The following JMJD1C variants were observed in gnomAD, a reference collection of about 807,000 sequenced individuals.
JMJD1C encodes the protein jumonji domain-containing protein 1C.
In JMJD1C, 31 loss-of-function variants were observed where a neutral mutation model predicts 245.3. The observed-to-expected ratio is 0.13, with a 90% confidence interval of 0.09 to 0.17. The LOEUF (loss-of-function observed/expected upper bound fraction) is 0.17, where lower values mean the gene tolerates loss of function less well. Ranked by LOEUF, JMJD1C falls within the 10% of genes least tolerant of loss-of-function variation. The pLI, the probability that JMJD1C is intolerant of heterozygous loss-of-function variation, is 1.00. For synonymous variants in JMJD1C, 1,057 were observed against 1,017.4 expected (o/e 1.04, Z -0.74); for missense variants, 2,691 against 3,000.2 (o/e 0.90, Z 2.41).
At chr10:63,460,934 A>G (rs1039538437) in intron 1 of JMJD1C, among the ~76,000 whole-genome samples, 2 of 152,210 alleles carry the variant, frequency 1.3e-5, no homozygotes, top group African/African-American at 4.8e-5. Context: ...TTCCCTATTT[A>G]AAATTATTGG....
intron 1 of JMJD1C, among the ~76,000 whole-genome samples, chr10:63,449,501 G>A (rs1449114804): frequency 2.6e-5 from 4 of 151,968 alleles, no homozygotes; most frequent in African/African-American, 9.7e-5. Flanking sequence ...GCTATTATAT[G>A]AGCTAAAAAT....
intron 16 of JMJD1C, among the ~76,000 whole-genome samples, chr10:63,191,978 T>A (rs1383554617): frequency 2.8e-5 from 2 of 72,582 alleles, no homozygotes; most frequent in Admixed American, 1.8e-4. Flanking sequence ...AGTGAGACTC[T>A]GTCTCAAAAA....
chr10:63,287,760 T>C (rs1858163126), intron 2 of JMJD1C, among the ~76,000 whole-genome samples: 1 of 152,192 alleles, frequency 6.6e-6, no homozygotes, highest in African/African-American at 2.4e-5. Context: ...CTTTTTCTTT[T>C]TTTTTTGAGA....
At chr10:63,425,916 A>G (rs933420747) in intron 1 of JMJD1C, among the ~76,000 whole-genome samples, 1 of 152,254 alleles carries the variant, frequency 6.6e-6, no homozygotes, top group African/African-American at 2.4e-5. Flanking sequence ...GGCCAAGGAC[A>G]CAGCCCTACT....
At chr10:63,346,536 G>T (rs953167061) in intron 2 of JMJD1C, among the ~76,000 whole-genome samples, 2 of 152,120 alleles carry the variant, frequency 1.3e-5, no homozygotes, top group Non-Finnish European at 2.9e-5. Context: ...ATAACCAACT[G>T]TTCAAACCAT....
At chr10:63,396,272 T>C (rs915326926) in intron 1 of JMJD1C, among the ~76,000 whole-genome samples, 1 of 152,074 alleles carries the variant, frequency 6.6e-6, no homozygotes, top group Non-Finnish European at 1.5e-5. Flanking sequence ...GACAATAATC[T>C]CGAACAGAGG....
intron 24 of JMJD1C, among the ~76,000 whole-genome samples, chr10:63,170,322 C>G (rs1294113444): frequency 2.0e-5 from 3 of 152,072 alleles, no homozygotes; most frequent in Non-Finnish European, 4.4e-5. Context: ...CTGTGTATGC[C>G]TTATACCTTT....
chr10:63,272,014 A>T (rs1332876135), intron 2 of JMJD1C, among the ~76,000 whole-genome samples: 1 of 150,056 alleles, frequency 6.7e-6, no homozygotes, highest in African/African-American at 2.5e-5. Flanking sequence ...TGGAGGCTGC[A>T]GTGAGCCGAG....
intron 22 of JMJD1C, 92 bp downstream of exon 22, chr10:63,183,355 G>A (rs1843716947): frequency 7.0e-6 from 8 of 1,136,516 alleles, no homozygotes; most frequent in Non-Finnish European, 8.6e-6. Flanking sequence ...TGAAATCTTC[G>A]CTGTTAACTC....
intron 1 of JMJD1C, among the ~76,000 whole-genome samples, chr10:63,514,840 C>A (rs1954970638): frequency 6.6e-6 from 1 of 152,120 alleles, no homozygotes; most frequent in African/African-American, 2.4e-5. Flanking sequence ...AACATTCCTG[C>A]CATATTTAGC....
intron 2 of JMJD1C, among the ~76,000 whole-genome samples, chr10:63,269,847 T>A (rs913648399): frequency 6.6e-6 from 1 of 152,196 alleles, no homozygotes; most frequent in Non-Finnish European, 1.5e-5. Context: ...TCTCTTAACA[T>A]CTATCTAAAT....
intron 2 of JMJD1C, among the ~76,000 whole-genome samples, chr10:63,298,732 CATTCT>C (rs1859724533): frequency 6.6e-6 from 1 of 152,136 alleles, no homozygotes; most frequent in African/African-American, 2.4e-5. Flanking sequence ...ATGCCACATT[CATTCT>C]AATCTTTTTT....
At chr10:63,223,781 T>G (rs1385406150) in intron 3 of JMJD1C, among the ~76,000 whole-genome samples, 1 of 152,148 alleles carries the variant, frequency 6.6e-6, no homozygotes, top group Non-Finnish European at 1.5e-5. Context: ...TGAGATGGAG[T>G]CTCACTCTGT....
At chr10:63,200,999 T>C (rs961615904) in intron 10 of JMJD1C, among the ~76,000 whole-genome samples, 2 of 152,210 alleles carry the variant, frequency 1.3e-5, no homozygotes, top group African/African-American at 4.8e-5. Context: ...TCATTCATAT[T>C]CTGTGTATAT....
chr10:63,296,473 T>C (rs1859446107), intron 2 of JMJD1C, among the ~76,000 whole-genome samples: 4 of 152,168 alleles, frequency 2.6e-5, no homozygotes, highest in African/African-American at 9.7e-5. Flanking sequence ...TTGGGGAGTA[T>C]TTTAAACAGC....
chr10:63,246,483 C>T (rs903840281), intron 3 of JMJD1C, among the ~76,000 whole-genome samples: 1 of 152,050 alleles, frequency 6.6e-6, no homozygotes, highest in African/African-American at 2.4e-5. Context: ...AATACTGTCT[C>T]TAGCAAAGCT....
chr10:63,282,476 T>A (rs143902659), intron 2 of JMJD1C, among the ~76,000 whole-genome samples: 7 of 152,342 alleles, frequency 4.6e-5, no homozygotes, highest in Non-Finnish European at 1.0e-4. Context: ...AGTACTGATA[T>A]GCAACACAGA....
chr10:63,478,460 T>C (rs145387200), intron 1 of JMJD1C, among the ~76,000 whole-genome samples: 10 of 152,234 alleles, frequency 6.6e-5, no homozygotes, highest in African/African-American at 1.9e-4. Context: ...CATGCAACAA[T>C]ATAGATATGG....
intron 2 of JMJD1C, among the ~76,000 whole-genome samples, chr10:63,326,046 A>G (rs1941456560): frequency 6.6e-6 from 1 of 152,240 alleles, no homozygotes; most frequent in Non-Finnish European, 1.5e-5. Flanking sequence ...AATATATTTT[A>G]GTACAACTAA....
Sources: allele counts gnomAD v4.1 joint callset (sites outside exome capture counted in the v4.1 genomes callset), GRCh38; gene constraint gnomAD v4.1.1; transcripts MANE v1.5; gene names NCBI Gene and HGNC (gene_info 2026-07-23, HGNC 2026-07-21).